Variants in RANBP2 observed in about 807,000 individuals in gnomAD.
RANBP2 encodes the protein E3 SUMO-protein ligase RanBP2.
A neutral mutation model predicts 303.6 loss-of-function variants in RANBP2; 57 were observed. The observed-to-expected ratio is 0.19, with a 90% CI of 0.15 to 0.23. RANBP2 has a LOEUF of 0.23. Among genes scored for constraint, RANBP2 ranks in the 10% least tolerant of loss-of-function variants. The probability of loss-of-function intolerance (pLI) is 1.00; values close to 1 mark genes in which losing one functional copy is unlikely to be tolerated. For synonymous variants in RANBP2, 1,167 were observed against 1,301.5 expected (o/e 0.90, Z 2.23); for missense variants, 3,138 against 3,780.8 (o/e 0.83, Z 4.46).
At chr2:109,018,533 C>T in the RANBP2 span, among the ~76,000 whole-genome samples, 1 of 152,202 alleles carries the variant, frequency 6.6e-6, no homozygotes, top group Non-Finnish European at 1.5e-5. Context: ...CCAAAGTCTT[C>T]CCTCTGCATG....
the RANBP2 span, among the ~76,000 whole-genome samples, chr2:109,547,565 A>G: frequency 6.6e-6 from 1 of 152,170 alleles, no homozygotes; most frequent in Non-Finnish European, 1.5e-5. Flanking sequence ...AATCATCTTG[A>G]TAAACCATAT....
chr2:109,614,320 C>A, the RANBP2 span: 1 of 633,408 alleles, frequency 1.6e-6, no homozygotes, highest in Non-Finnish European at 2.2e-6. Flanking sequence ...GGCGTGTCCG[C>A]CCGGGCGCGG....
the RANBP2 span, among the ~76,000 whole-genome samples, chr2:109,680,719 C>T: frequency 2.0e-5 from 3 of 152,136 alleles, no homozygotes; most frequent in African/African-American, 4.8e-5. Context: ...TTTTTCAGAC[C>T]TTTCCTGTTT....
the RANBP2 span, among the ~76,000 whole-genome samples, chr2:109,061,992 C>T: frequency 6.6e-6 from 1 of 152,150 alleles, no homozygotes; most frequent in African/African-American, 2.4e-5. Context: ...AAATGTCCAG[C>T]CCTCCTGTCA....
the RANBP2 span, among the ~76,000 whole-genome samples, chr2:109,329,679 G>A: frequency 7.8e-3 from 1,180 of 150,988 alleles, 9 homozygotes; most frequent in South Asian, 0.03. Flanking sequence ...AGAGGGCAGT[G>A]CTCAGCTTGA....
the RANBP2 span, among the ~76,000 whole-genome samples, chr2:109,053,091 C>T: frequency 1.7e-4 from 26 of 152,274 alleles, no homozygotes; most frequent in African/African-American, 5.3e-4. Flanking sequence ...AGGGTGAGGG[C>T]GCTGTGGTCC....
chr2:109,725,870 T>C, the RANBP2 span, among the ~76,000 whole-genome samples: 1 of 151,968 alleles, frequency 6.6e-6, no homozygotes, highest in African/African-American at 2.4e-5. Context: ...GTAGCTAGGA[T>C]GCCAGGCATG....
the RANBP2 span, among the ~76,000 whole-genome samples, chr2:109,739,243 G>A: frequency 7.1e-6 from 1 of 141,420 alleles, no homozygotes; most frequent in Non-Finnish European, 1.5e-5. Flanking sequence ...GATTTCATAT[G>A]AATTTTATGA....
the RANBP2 span, among the ~76,000 whole-genome samples, chr2:109,369,280 T>C: frequency 6.0e-4 from 91 of 150,708 alleles, no homozygotes; most frequent in African/African-American, 2.2e-3. Context: ...ACCCAGGAGG[T>C]GGAGGTTGCA....
chr2:109,120,114 G>A, the RANBP2 span, among the ~76,000 whole-genome samples: 1 of 152,246 alleles, frequency 6.6e-6, no homozygotes, highest in Non-Finnish European at 1.5e-5. Flanking sequence ...GCCATGCAGA[G>A]TGGGAACTTC....
chr2:109,450,358 A>G, the RANBP2 span, among the ~76,000 whole-genome samples: 1 of 111,976 alleles, frequency 8.9e-6, no homozygotes, highest in Admixed American at 9.4e-5. Flanking sequence ...AAAAAAAAAA[A>G]GAAAAAGAAA....
the RANBP2 span, among the ~76,000 whole-genome samples, chr2:109,190,159 C>A: frequency 6.6e-6 from 1 of 152,166 alleles, no homozygotes; most frequent in African/African-American, 2.4e-5. Flanking sequence ...CCCTCTATTA[C>A]AATCACCTTG....
At chr2:109,566,065 T>C in the RANBP2 span, among the ~76,000 whole-genome samples, 2 of 152,110 alleles carry the variant, frequency 1.3e-5, no homozygotes, top group Admixed American at 1.3e-4. Context: ...AAGAAAAGTA[T>C]TTACATGTAA....
chr2:108,923,264 T>C, the RANBP2 span: 1 of 1,128,774 alleles, frequency 8.9e-7, no homozygotes, highest in Non-Finnish European at 1.4e-6. Context: ...TTACTGTGAT[T>C]CACCTTGTCC....
the RANBP2 span, among the ~76,000 whole-genome samples, chr2:108,916,547 C>A: frequency 6.6e-6 from 1 of 152,166 alleles, no homozygotes; most frequent in East Asian, 1.9e-4. Flanking sequence ...GTGCCTCTAT[C>A]CTGATCACCG....
At chr2:109,294,063 G>C in the RANBP2 span, among the ~76,000 whole-genome samples, 39 of 152,256 alleles carry the variant, frequency 2.6e-4, no homozygotes, top group East Asian at 6.6e-3. Flanking sequence ...AAAGTGACCT[G>C]GATTCTTCCT....
chr2:109,026,965 C>T, the RANBP2 span, among the ~76,000 whole-genome samples: 9 of 152,272 alleles, frequency 5.9e-5, no homozygotes, highest in East Asian at 3.9e-4. Flanking sequence ...AGACATTGGC[C>T]GGGTGTGGTG....
the RANBP2 span, among the ~76,000 whole-genome samples, chr2:109,079,471 G>A: frequency 5.3e-5 from 8 of 152,040 alleles, no homozygotes; most frequent in South Asian, 2.1e-4. Context: ...TAACCCCTTC[G>A]TTGTTAAAGA....
chr2:109,046,279 G>C, the RANBP2 span, among the ~76,000 whole-genome samples: 3 of 149,162 alleles, frequency 2.0e-5, no homozygotes, highest in African/African-American at 7.4e-5. Context: ...ACTCCAGCCT[G>C]GGCGACAGTG....
Sources: allele counts gnomAD v4.1 joint callset (sites outside exome capture counted in the v4.1 genomes callset), GRCh38; gene constraint gnomAD v4.1.1; transcripts MANE v1.5; gene names NCBI Gene and HGNC (gene_info 2026-07-23, HGNC 2026-07-21).